NBPF11: variants seen among roughly 807,000 people sequenced by gnomAD.
NBPF11 encodes the protein NBPF family member NBPF11.
Under a neutral mutation model 93.9 loss-of-function variants are expected in NBPF11, and 72 were observed. That is an observed-to-expected ratio of 0.77 (90% confidence interval 0.63 to 0.93). NBPF11 has a LOEUF of 0.93. Ranked by LOEUF, NBPF11 falls within the 40% of genes least tolerant of loss-of-function variation. The pLI, the probability that NBPF11 is intolerant of heterozygous loss-of-function variation, is 0.00. For missense variants in NBPF11, 705 were observed against 802.2 expected (o/e 0.88, Z 1.46); for synonymous variants, 224 against 304.9 (o/e 0.73, Z 2.76).
At chr1:148,141,826 C>T (rs1434313549) in intron 2 of NBPF11, among the ~76,000 whole-genome samples, 1 of 151,784 alleles carries the variant, frequency 6.6e-6, no homozygotes, top group Non-Finnish European at 1.5e-5. Context: ...GACCTAAGGG[C>T]TACAGGATGA....
intron 4 of NBPF11, among the ~76,000 whole-genome samples, chr1:148,133,386 T>A (rs1670743043): frequency 6.6e-6 from 1 of 152,120 alleles, no homozygotes; most frequent in African/African-American, 2.4e-5. Context: ...GGTATTCTAC[T>A]TTTTTCTCTG....
Position 148,124,929 on chromosome 1 carries a change from G to A in NBPF11, c.248C>T (p.Ala83Val), listed in dbSNP as rs782600107. Residue 83 changes from alanine (A) to valine (V), a missense_variant, in exon 6 of 24, where the codon GCA becomes GTA. Transcript: ENST00000682118. Reference sequence around the variant, plus strand: ...CTCCTCAGCTTGCTTGAGCTGCTCTGCAAGCTTCTCCTCCTTGAACTGTCG... The same window carrying A: ...CTCCTCAGCTTGCTTGAGCTGCTCTACAAGCTTCTCCTCCTTGAACTGTCG... Reference protein sequence around the residue: ...NERQFKEEKLAEQLKQAEELR... With the variant: ...NERQFKEEKLVEQLKQAEELR... 29 of 1,609,920 alleles carry A rather than the reference G, an allele frequency of 1.8e-5. No individual in the cohort carries two copies. Among genetic ancestry groups the A allele is most frequent in the South Asian group, 1.1e-5 (1 of 91,006 alleles).
chr1:148,107,404 C>T (rs1447728366), intron 19 of NBPF11, among the ~76,000 whole-genome samples: 2 of 151,086 alleles, frequency 1.3e-5, no homozygotes, highest in Non-Finnish European at 3.0e-5. Flanking sequence ...TTAGTGCCCT[C>T]GGGACACACA....
intron 4 of NBPF11, 102 bp from the exon 5 acceptor site, chr1:148,127,140 C>A (rs4515852): frequency 0.13 from 57,348 of 425,694 alleles, 4,369 homozygotes; most frequent in East Asian, 0.28. Flanking sequence ...TCTTAACTTA[C>A]TGTTGTGAAA....
Position 148,107,724 on chromosome 1 carries a change from G to A in NBPF11, c.2065C>T (p.Pro689Ser). 1.2e-6 allele frequency: 1 copy of A among 820,890 alleles called. No homozygotes were observed. Among genetic ancestry groups the A allele is most frequent in the Non-Finnish European group, 2.2e-6 (1 of 464,034 alleles). The allele number at this position is 820,890 out of a possible 1,614,324, so 50.9% of individuals were successfully genotyped here. ...GCTCAAAGTTACCTGGGGCATGATG[G>A]GTCTTGGTCTTCTTCCACTTCTTGG... is the stretch of plus-strand genomic sequence containing the variant. ...KYQEVEEDQD[P>S]SCPRLSRELL... Residue 689 changes from proline to serine, a missense_variant, in exon 19 of 24, where the codon CCA (proline) becomes TCA (serine). Pro to Ser is a moderately conservative substitution (Grantham distance 74, BLOSUM62 -1). Transcript: ENST00000682118.
At chr1:148,119,770 C>T (rs1225801384) in intron 10 of NBPF11, among the ~76,000 whole-genome samples, 1 of 151,950 alleles carries the variant, frequency 6.6e-6, no homozygotes, top group Admixed American at 6.5e-5. Context: ...ATTCTACTGC[C>T]TCAGCCTCCT....
chr1:148,146,871 G>C (rs1336392110), intron 1 of NBPF11: 3 of 1,613,618 alleles, frequency 1.9e-6, no homozygotes, highest in Non-Finnish European at 2.5e-6. Context: ...GGCCTTCCGA[G>C]AGGAACCTCT....
rs1444086139 is a variant in NBPF11 at position 148,151,902 on chromosome 1, G to C, written c.-701C>G. 2.0e-5 allele frequency: 3 copies of C among 152,908 alleles called. No individual in the cohort carries two copies. The highest frequency in any genetic ancestry group is 7.3e-5 in the African/African-American group (3 of 41,298). 9.5% of individuals were successfully genotyped at this position (152,908 alleles called of 1,614,324 possible). A position where few individuals can be genotyped will look rare whatever the true frequency, so the allele number is the denominator to read the frequency against. On this transcript the variant is annotated 5_prime_UTR_variant, in exon 1 of 24. Transcript: ENST00000682118. The stretch of plus-strand genomic sequence containing the variant: ...CTCACTCAGAAGCTCAGGCAGCCTC[G>C]CGACCCTCACCTACCCCTCCCAGCA...
chr1:148,133,810 G>A (rs1361386647), intron 4 of NBPF11, among the ~76,000 whole-genome samples: 2 of 151,260 alleles, frequency 1.3e-5, no homozygotes, highest in Non-Finnish European at 2.9e-5. Flanking sequence ...TGGATACCAG[G>A]TCATAAATTT....
chr1:148,116,190 A>T (rs1180201530), intron 13 of NBPF11, among the ~76,000 whole-genome samples, 192 bp from the exon 14 acceptor site: 5 of 151,906 alleles, frequency 3.3e-5, no homozygotes, highest in Non-Finnish European at 7.4e-5. Flanking sequence ...GGAACCAGAG[A>T]GGAAGAGAGC....
intron 5 of NBPF11, among the ~76,000 whole-genome samples, chr1:148,125,516 A>C (rs1179070400): frequency 5.9e-5 from 9 of 152,044 alleles, no homozygotes; most frequent in Admixed American, 4.6e-4. Context: ...CTGAAGCCTA[A>C]AGTGTGAGAC....
intron 7 of NBPF11, among the ~76,000 whole-genome samples, chr1:148,123,029 C>T (rs1485678501): frequency 1.3e-5 from 2 of 152,128 alleles, no homozygotes; most frequent in East Asian, 3.9e-4. Context: ...CTGAAAAGAC[C>T]TTTTGCTTCC....
intron 4 of NBPF11, among the ~76,000 whole-genome samples, chr1:148,129,247 A>T (rs1440816573): frequency 1.4e-5 from 2 of 147,476 alleles, no homozygotes; most frequent in African/African-American, 5.0e-5. Flanking sequence ...GTATATACAT[A>T]CGTGTATATA....
intron 2 of NBPF11, among the ~76,000 whole-genome samples, chr1:148,141,553 G>A (rs1364973153): frequency 6.6e-6 from 1 of 151,932 alleles, no homozygotes; most frequent in Non-Finnish European, 1.5e-5. Flanking sequence ...TTAGTACTTG[G>A]CATTGAAGTG....
At chr1:148,150,868 C>G (rs1296183022) in intron 1 of NBPF11, among the ~76,000 whole-genome samples, 2 of 151,824 alleles carry the variant, frequency 1.3e-5, no homozygotes, top group Admixed American at 1.3e-4. Flanking sequence ...GCTGGGACTA[C>G]AGGCACCTGC....
Position 148,135,752 on chromosome 1 carries a change from A to G in NBPF11, c.-116T>C, listed in dbSNP as rs1386964636. 3 of 714,384 alleles carry G rather than the reference A, an allele frequency of 4.2e-6. No individual in the cohort carries two copies. Among genetic ancestry groups the G allele is most frequent in the East Asian group, 2.7e-5 (1 of 37,240 alleles). 44.3% of individuals were successfully genotyped at this position (714,384 alleles called of 1,614,324 possible). ...TTTGGATTCCCAACCAGTAAATCTT[A>G]GCAAGATCTGAGTTTCTCCAGGTAT... On this transcript the variant is annotated 5_prime_UTR_variant, in exon 4 of 24. Transcript: ENST00000682118.
chr1:148,117,015 C>G (rs1666726165), intron 12 of NBPF11, among the ~76,000 whole-genome samples: 1 of 152,174 alleles, frequency 6.6e-6, no homozygotes, highest in Admixed American at 6.5e-5. Context: ...GTGCTCCAGT[C>G]TGAAGCACTT....
intron 1 of NBPF11, chr1:148,146,261 C>T: frequency 4.1e-6 from 5 of 1,217,484 alleles, no homozygotes; most frequent in African/African-American, 1.6e-5. Context: ...GGGCTGCTGT[C>T]TGGGGCGGTA....
intron 15 of NBPF11, among the ~76,000 whole-genome samples, chr1:148,113,313 T>C (rs1665756083): frequency 1.3e-5 from 2 of 151,872 alleles, no homozygotes; most frequent in African/African-American, 2.4e-5. Flanking sequence ...ACGCAGGGGT[T>C]GCAATCCTAG....
Sources: allele counts gnomAD v4.1 joint callset (sites outside exome capture counted in the v4.1 genomes callset), GRCh38; gene constraint gnomAD v4.1.1; transcripts MANE v1.5; gene names NCBI Gene and HGNC (gene_info 2026-07-23, HGNC 2026-07-21).